The following RGS7 variants were observed in gnomAD, a reference collection of about 807,000 sequenced individuals.
RGS7 encodes the protein regulator of G-protein signaling 7.
Under a neutral mutation model 81.1 loss-of-function variants are expected in RGS7, and 27 were observed. The observed-to-expected ratio is 0.33, with a 90% confidence interval of 0.25 to 0.46. The LOEUF is 0.46. RGS7 is among the 20% of genes least tolerant of loss of function. The pLI is 1.00. For missense variants in RGS7, 396 were observed against 607.4 expected (o/e 0.65, Z 3.66); for synonymous variants, 208 against 207.7 (o/e 1.00, Z -0.01).
At chr1:241,330,319 C>T (rs2081896307) in intron 2 of RGS7, among the ~76,000 whole-genome samples, 4 of 152,276 alleles carry the variant, frequency 2.6e-5, no homozygotes, top group Middle Eastern at 6.8e-3. Flanking sequence ...AGATGTCACA[C>T]ATCTGAGGGT....
chr1:241,075,535 T>A (rs2062742974), intron 3 of RGS7, among the ~76,000 whole-genome samples: 1 of 152,098 alleles, frequency 6.6e-6, no homozygotes, highest in Non-Finnish European at 1.5e-5. Context: ...TGAGCCACAT[T>A]GGAAGAAGAA....
intron 2 of RGS7, among the ~76,000 whole-genome samples, chr1:241,273,171 A>G (rs2078004811): frequency 1.7e-5 from 1 of 57,236 alleles, no homozygotes; most frequent in Non-Finnish European, 3.9e-5. Flanking sequence ...GTAAATAATA[A>G]TGAACCCCCC....
In RGS7 at chr1:240,868,626, G is replaced by A; in HGVS notation, c.570C>T (p.Asp190=). ...CGTCCCAGAACGCTCTCTCTTGGCTGTCAAGGATCTTCCTTTCAATCTTGT... is the reference window on the plus strand; with the variant it reads ...CGTCCCAGAACGCTCTCTCTTGGCTATCAAGGATCTTCCTTTCAATCTTGT... ...KRDKIERKIL[D]SQERAFWDVH... Residue 190 remains aspartate (D), a synonymous_variant, in exon 9 of 19, where the codon GAC becomes GAT. Transcript: ENST00000440928. This position sits in a 1 kb window ranked among gnomAD's most constrained non-coding sequence, Gnocchi z 5.1. The A allele has an allele frequency of 4.3e-6, 7 of 1,614,136 alleles. No homozygotes were observed. The highest frequency in any genetic ancestry group is 5.1e-6 in the Non-Finnish European group (6 of 1,180,026).
intron 2 of RGS7, among the ~76,000 whole-genome samples, chr1:241,184,161 C>T (rs1558165177): frequency 6.6e-6 from 1 of 151,870 alleles, no homozygotes; most frequent in African/African-American, 2.4e-5. Context: ...TTATTGCACT[C>T]AGTGATAATA....
chr1:241,089,020 CA>C lies in RGS7; in HGVS notation c.175+9645del, dbSNP rs2063665331. On this transcript the variant is annotated intron_variant, in intron 3 of 18. Transcript: ENST00000440928. ...CAGCCTGGGCCACAGAGCAAGACTC[CA>C]TCTCTCTCTCTCTCTCTCTCTCTCT... 3.5e-4 allele frequency among the ~76,000 whole-genome samples: 16 copies of C among 45,454 alleles called. No individual in the cohort carries two copies. In the East Asian group the frequency reaches 4.9e-3, roughly 14 times the overall value. 29.8% of individuals were successfully genotyped at this position (45,454 alleles called of 152,430 possible).
rs142529720 is a variant in RGS7, at chr1:241,176,749, T to C, written c.79-77987A>G. 2.2e-3 allele frequency among the ~76,000 whole-genome samples: 333 copies of C among 152,240 alleles called. 1 individual carries two copies. Among genetic ancestry groups the C allele is most frequent in the African/African-American group, 7.5e-3 (312 of 41,546 alleles). Reference sequence around the variant, plus strand: ...ATTAACTTTATGAGGAAACAGACTCTGCTCTGAAGACTTATGACCTGAGGG... The same window carrying C: ...ATTAACTTTATGAGGAAACAGACTCCGCTCTGAAGACTTATGACCTGAGGG... On this transcript the variant is annotated intron_variant, in intron 2 of 18. Coordinates refer to ENST00000440928, the MANE Select transcript of RGS7 (RefSeq NM_001364886.1).
chr1:240,912,927 T>A (rs1311900815), intron 6 of RGS7, among the ~76,000 whole-genome samples: 1 of 152,160 alleles, frequency 6.6e-6, no homozygotes, highest in Non-Finnish European at 1.5e-5. Flanking sequence ...TGGGTTTAGA[T>A]GAAAAGACTA....
chr1:240,871,715 A>C (rs1664522845), intron 6 of RGS7, among the ~76,000 whole-genome samples: 1 of 152,224 alleles, frequency 6.6e-6, no homozygotes, highest in African/African-American at 2.4e-5. Flanking sequence ...AAATATCTAA[A>C]ATGTTCTAAG....
intron 18 of RGS7, among the ~76,000 whole-genome samples, chr1:240,779,424 G>A (rs1683585368): frequency 6.6e-6 from 1 of 152,100 alleles, no homozygotes; most frequent in Non-Finnish European, 1.5e-5. Context: ...CAAAGTGCTG[G>A]GATAAGAGGC....
rs181245721 is a variant in RGS7, at chr1:241,186,754, C to T, written c.79-87992G>A. Among the ~76,000 whole-genome samples the T allele has an allele frequency of 2.3e-3, 344 of 151,850 alleles. 2 individuals carry two copies. Among genetic ancestry groups the T allele is most frequent in the African/African-American group, 7.9e-3 (327 of 41,406 alleles). ...GTTGGTCAGGCTGGTCTCGAACTCC[C>T]AAACTCAGGTGATCCACCTACCTCG... On this transcript the variant is annotated intron_variant, in intron 2 of 18. Coordinates refer to ENST00000440928, the MANE Select transcript of RGS7 (RefSeq NM_001364886.1).
At chr1:240,859,558 G>C (rs1348951539) in intron 9 of RGS7, among the ~76,000 whole-genome samples, 1 of 146,602 alleles carries the variant, frequency 6.8e-6, no homozygotes, top group Non-Finnish European at 1.5e-5. Flanking sequence ...AGTAGATATA[G>C]ACCCTTTTAT....
At chr1:241,189,924 A>C (rs1193289205) in intron 2 of RGS7, among the ~76,000 whole-genome samples, 9 of 151,744 alleles carry the variant, frequency 5.9e-5, no homozygotes, top group African/African-American at 2.2e-4. Flanking sequence ...GCCCACGGTG[A>C]AACCCCGTCT....
chr1:241,130,086 G>A (rs2066966790), intron 2 of RGS7, among the ~76,000 whole-genome samples: 1 of 152,118 alleles, frequency 6.6e-6, no homozygotes, highest in East Asian at 1.9e-4. Flanking sequence ...TGCTAAGCAA[G>A]TGCATCCTTC....
rs186181722 is a variant in RGS7 at position 241,160,960 on chromosome 1, G to A, written c.79-62198C>T. On this transcript the variant is annotated intron_variant, in intron 2 of 18. Transcript: ENST00000440928. ...ATGGTGGATAATGCATTTTGAATCC[G>A]GTTAGACATTAATTATTAGGTTGGG... Among the ~76,000 whole-genome samples, 7 of 152,070 alleles carry A rather than the reference G, an allele frequency of 4.6e-5. No individual in the cohort carries two copies. The East Asian group carries it at 5.8e-4, about 13-fold the overall frequency.
intron 2 of RGS7, among the ~76,000 whole-genome samples, chr1:241,206,049 A>G (rs1375889350): frequency 6.6e-6 from 1 of 151,630 alleles, no homozygotes; most frequent in African/African-American, 2.4e-5. Flanking sequence ...TAGCAAATTC[A>G]GTTGACTCAG....
intron 2 of RGS7, among the ~76,000 whole-genome samples, chr1:241,130,914 A>C (rs1439807033): frequency 6.8e-6 from 1 of 147,808 alleles, no homozygotes; most frequent in Non-Finnish European, 1.5e-5. Flanking sequence ...TAATAGGATA[A>C]AAGGCTTAAT....
intron 3 of RGS7, among the ~76,000 whole-genome samples, chr1:241,092,877 A>G (rs1396066441): frequency 2.6e-5 from 4 of 151,964 alleles, no homozygotes; most frequent in Non-Finnish European, 4.4e-5. Flanking sequence ...AAAAACAATT[A>G]GAAGACAAAG....
At chr1:241,295,274 C>T (rs571756272) in intron 2 of RGS7, among the ~76,000 whole-genome samples, 50 of 146,900 alleles carry the variant, frequency 3.4e-4, no homozygotes, top group Admixed American at 1.2e-3. Flanking sequence ...TGATGAAACC[C>T]CGTCTCTACT....
At position 240,936,643 on chromosome 1, in the gene RGS7, T is replaced by C; in HGVS notation, c.290A>G (p.His97Arg). The C allele has an allele frequency of 6.2e-7, 1 of 1,613,700 alleles. No homozygotes were observed. Among genetic ancestry groups the C allele is most frequent in the Non-Finnish European group, 8.5e-7 (1 of 1,179,604 alleles). The change falls in exon 5 of 19, where the codon CAT becomes CGT. Residue 97 changes from histidine to arginine, a missense_variant. Transcript: ENST00000440928. ...AHGYFFPISDHVLTLKDDGTF... is the reference protein window; with the variant it reads ...AHGYFFPISDRVLTLKDDGTF... ...GCCATCATCCTTGAGTGTGAGGACATGATCTGAGATTGGAAAGAAGTAGCC... is the reference window on the plus strand; with the variant it reads ...GCCATCATCCTTGAGTGTGAGGACACGATCTGAGATTGGAAAGAAGTAGCC...
Sources: gnomAD v4.1 joint callset for allele counts (sites outside exome capture counted in the v4.1 genomes callset) on GRCh38, gnomAD v4.1.1 for gene constraint, Gnocchi (gnomAD v3.1) non-coding constraint, MANE v1.5 for transcripts, NCBI Gene and HGNC (gene_info 2026-07-23, HGNC 2026-07-21) for gene names.